Variants in CRIM1 observed in about 807,000 individuals in gnomAD.
CRIM1 encodes cysteine rich transmembrane BMP regulator 1.
A neutral mutation model predicts 116.4 loss-of-function variants in CRIM1; 32 were observed. The observed-to-expected ratio is 0.27, with a 90% CI of 0.21 to 0.37. The LOEUF (loss-of-function observed/expected upper bound fraction) is 0.37. Among genes scored for constraint, CRIM1 ranks in the 10% least tolerant of loss-of-function variants. The pLI is 1.00. For synonymous variants in CRIM1, 590 were observed against 509.2 expected (o/e 1.16, Z -2.13); for missense variants, 1,331 against 1,354.8 (o/e 0.98, Z 0.28).
chr2:36,507,595 C>G (rs1410650059), intron 8 of CRIM1, among the ~76,000 whole-genome samples: 1 of 152,210 alleles, frequency 6.6e-6, no homozygotes, highest in Non-Finnish European at 1.5e-5. Context: ...GGTCCCAATT[C>G]AGGGCAGCAC....
At chr2:36,434,221 C>T (rs904453397) in intron 2 of CRIM1, among the ~76,000 whole-genome samples, 1 of 152,150 alleles carries the variant, frequency 6.6e-6, no homozygotes, top group Non-Finnish European at 1.5e-5. Flanking sequence ...TAAGAAAGTT[C>T]CTCCTTTTAT....
rs1558390027 is a variant in CRIM1, at chr2:36,514,608, C to CCG, written c.1990+843_1990+844insCG. Among the ~76,000 whole-genome samples the CCG allele has an allele frequency of 2.2e-3, 341 of 152,020 alleles. 5 individuals are homozygous for CCG. Among genetic ancestry groups the CCG allele is most frequent in the African/African-American group, 8.1e-3 (335 of 41,448 alleles). On this transcript the variant is annotated intron_variant, in intron 11 of 16. Coordinates refer to ENST00000280527, the MANE Select transcript of CRIM1 (RefSeq NM_016441.3). ...AAATGAAGTCTCTCAAATCTTGTAT[C>CCG]AGATTTCTTTCAAAGTTAAGTCTAC...
intron 2 of CRIM1, among the ~76,000 whole-genome samples, chr2:36,425,901 A>G (rs73924826): frequency 0.01 from 1,537 of 152,366 alleles, 19 homozygotes; most frequent in African/African-American, 0.036. Flanking sequence ...CAGAGGATCC[A>G]TGTCATGTAG....
At chr2:36,373,003 A>G (rs924816301) in intron 1 of CRIM1, among the ~76,000 whole-genome samples, 2 of 146,876 alleles carry the variant, frequency 1.4e-5, no homozygotes, top group East Asian at 2.0e-4. Flanking sequence ...ATATGGCTTC[A>G]TATAAAAAAA....
chr2:36,356,734 G>T lies in CRIM1; in HGVS notation c.331+111G>T. 1.8e-6 allele frequency: 2 copies of T among 1,095,526 alleles called. No individual in the cohort carries two copies. The highest frequency in any genetic ancestry group is 2.6e-6 in the Non-Finnish European group (2 of 783,744). The allele number at this position is 1,095,526 out of a possible 1,614,324, so 67.9% of individuals were successfully genotyped here. ...CTTTCTGGAGGAAAGAGGGCTCTGC[G>T]GGAAGAGGGGCGGCCGCCGCCCCCA... On this transcript the variant is annotated intron_variant, in intron 1 of 16. Transcript: ENST00000280527. This position sits in a 1 kb window ranked among gnomAD's most constrained non-coding sequence, Gnocchi z 4.3.
chr2:36,452,004 C>A lies in CRIM1; in HGVS notation c.869+9269C>A, dbSNP rs553181904. ...CTCAAGCTAACCAGTTTTAACTATC[C>A]CTGCATATGCATTTTCAAAGGGACT... On this transcript the variant is annotated intron_variant, in intron 4 of 16. Transcript: ENST00000280527. Among the ~76,000 whole-genome samples the A allele has an allele frequency of 1.2e-3, 188 of 152,190 alleles. 1 individual carries two copies. Among genetic ancestry groups the A allele is most frequent in the African/African-American group, 4.2e-3 (174 of 41,528 alleles).
At chr2:36,472,926 T>A (rs1423483094) in intron 5 of CRIM1, among the ~76,000 whole-genome samples, 1 of 152,216 alleles carries the variant, frequency 6.6e-6, no homozygotes, top group Non-Finnish European at 1.5e-5. Context: ...GATGATTCTT[T>A]TTTAACATTA....
At chr2:36,433,087 G>A (rs532239984) in intron 2 of CRIM1, among the ~76,000 whole-genome samples, 5 of 152,176 alleles carry the variant, frequency 3.3e-5, no homozygotes, top group African/African-American at 9.6e-5. Context: ...AGGAGATGCC[G>A]ATGCTGCTGG....
chr2:36,438,674 A>G (rs958903653), intron 2 of CRIM1, among the ~76,000 whole-genome samples: 6 of 152,322 alleles, frequency 3.9e-5, no homozygotes, highest in African/African-American at 1.4e-4. Flanking sequence ...GGTAAGAGGG[A>G]GCAGGGATGT....
rs981410586 is a variant in CRIM1, at chr2:36,548,639, G to A, written c.3049G>A (p.Gly1017Ser). 1.2e-6 allele frequency: 2 copies of A among 1,612,098 alleles called. No individual in the cohort carries two copies. Among genetic ancestry groups the A allele is most frequent in the South Asian group, 1.1e-5 (1 of 90,752 alleles). ...RIAEPDARFS[G>S]FYSMQKQNHL... Reference sequence around the variant, plus strand: ...TGCAGAACCAGATGCAAGATTCAGTGGCTTCTACAGCATGCAAAAACAGAA... The same window carrying A: ...TGCAGAACCAGATGCAAGATTCAGTAGCTTCTACAGCATGCAAAAACAGAA... The change falls in exon 17 of 17, where the codon GGC becomes AGC. Residue 1017 changes from glycine to serine, a missense_variant. Physicochemically the swap from Gly to Ser is moderately conservative, Grantham distance 56. Coordinates refer to ENST00000280527, the MANE Select transcript of CRIM1 (RefSeq NM_016441.3).
intron 1 of CRIM1, among the ~76,000 whole-genome samples, chr2:36,372,320 G>T (rs537601130): frequency 6.6e-6 from 1 of 152,268 alleles, no homozygotes; most frequent in South Asian, 2.1e-4. Flanking sequence ...AATTTTTGAT[G>T]ATTAGTGGCT....
At chr2:36,467,081 A>G (rs1400819444) in intron 5 of CRIM1, among the ~76,000 whole-genome samples, 1 of 152,156 alleles carries the variant, frequency 6.6e-6, no homozygotes, top group East Asian at 1.9e-4. Flanking sequence ...ATTTATTGCC[A>G]CTTATTATAG....
chr2:36,464,710 A>G, intron 5 of CRIM1, 55 bp downstream of exon 5: 14 of 1,590,056 alleles, frequency 8.8e-6, no homozygotes, highest in Non-Finnish European at 9.5e-6. Context: ...GAGGAGGAGG[A>G]GGGAGGGTTC....
At chr2:36,509,581 CAT>C (rs1482191892) in intron 8 of CRIM1, among the ~76,000 whole-genome samples, 4 of 152,114 alleles carry the variant, frequency 2.6e-5, no homozygotes, top group Non-Finnish European at 4.4e-5. Context: ...AGAAATAAAA[CAT>C]ATAATGAAAA....
At chr2:36,520,506 A>G (rs954497783) in intron 12 of CRIM1, among the ~76,000 whole-genome samples, 1 of 152,210 alleles carries the variant, frequency 6.6e-6, no homozygotes, top group African/African-American at 2.4e-5. Context: ...AAGTCATCCC[A>G]TCTTACTATC....
intron 4 of CRIM1, among the ~76,000 whole-genome samples, chr2:36,447,381 G>A (rs760939850): frequency 1.8e-4 from 27 of 152,136 alleles, no homozygotes; most frequent in Non-Finnish European, 3.4e-4. Context: ...TACCACATAC[G>A]TGTTTCAGTT....
intron 4 of CRIM1, among the ~76,000 whole-genome samples, chr2:36,460,951 G>GT (rs1677535002): frequency 6.6e-6 from 1 of 152,208 alleles, no homozygotes; most frequent in African/African-American, 2.4e-5. Flanking sequence ...AGGGCAGGCA[G>GT]TGCAGAGACA....
At chr2:36,360,828 G>T (rs1014368981) in intron 1 of CRIM1, among the ~76,000 whole-genome samples, 2 of 152,100 alleles carry the variant, frequency 1.3e-5, no homozygotes, top group African/African-American at 4.8e-5. Flanking sequence ...ACGGGAGGGG[G>T]GCAAAATATC....
Position 36,356,248 on chromosome 2 carries a change from G to C in CRIM1, c.-45G>C. Reference sequence around the variant, plus strand: ...CCGCGCAGGGGAGGGCGCCCGCCCCGCTCCCGGCCCGGCTGCGAGGAGGAG... The same window carrying C: ...CCGCGCAGGGGAGGGCGCCCGCCCCCCTCCCGGCCCGGCTGCGAGGAGGAG... On this transcript the variant is annotated 5_prime_UTR_variant, in exon 1 of 17. Coordinates refer to ENST00000280527, the MANE Select transcript of CRIM1 (RefSeq NM_016441.3). This position sits in a 1 kb window ranked among gnomAD's most constrained non-coding sequence, Gnocchi z 4.3. The C allele has an allele frequency of 1.7e-6, 2 of 1,206,840 alleles. No individual in the cohort carries two copies. Among genetic ancestry groups the C allele is most frequent in the Non-Finnish European group, 2.2e-6 (2 of 919,576 alleles). The allele number at this position is 1,206,840 out of a possible 1,614,324, so 74.8% of individuals were successfully genotyped here.
Sources: gnomAD v4.1 joint callset for allele counts (sites outside exome capture counted in the v4.1 genomes callset) on GRCh38, gnomAD v4.1.1 for gene constraint, Gnocchi (gnomAD v3.1) non-coding constraint, MANE v1.5 for transcripts, NCBI Gene and HGNC (gene_info 2026-07-23, HGNC 2026-07-21) for gene names.